The following NCKAP1 variants were observed in gnomAD, a reference collection of about 807,000 sequenced individuals.
NCKAP1 encodes nck-associated protein 1.
NCKAP1 carries 21 observed loss-of-function variants against 151.2 expected under a neutral mutation model. The ratio of observed to expected loss-of-function variants is 0.14; its 90% CI spans 0.10 to 0.20. The LOEUF is 0.20. NCKAP1 is among the 10% of genes least tolerant of loss of function. The pLI, the probability that NCKAP1 is intolerant of heterozygous loss-of-function variation, is 1.00. For missense variants in NCKAP1, 933 were observed against 1,352.1 expected, an observed-to-expected ratio of 0.69 and a Z score of 4.86; for synonymous variants, 484 against 451.8, an observed-to-expected ratio of 1.07 and a Z score of -0.90.
Position 183,003,247 on chromosome 2 carries a change from C to T in NCKAP1, c.298G>A (p.Val100Ile). The change falls in exon 3 of 31, where the codon GTT (valine) becomes ATT (isoleucine). Residue 100 changes from valine (V) to isoleucine (I), a missense_variant. Val to Ile is a conservative substitution (Grantham distance 29). Around this residue, in one of 2 missense-constraint regions of NCKAP1, gnomAD observed 607 missense variants for 795.0 expected, o/e 0.76. Transcript: ENST00000361354. ...LALYYFTFVD[V>I]MEFKDHVCEL... ...AAAATACATACCTTAAATTCCATAA[C>T]ATCTACAAATGTGAAGTAATATAAT... 6.5e-7 allele frequency: 1 copy of T among 1,535,542 alleles called. No individual in the cohort carries two copies. Among genetic ancestry groups the T allele is most frequent in the Non-Finnish European group, 8.9e-7 (1 of 1,120,776 alleles).
chr2:182,964,576 G>A, intron 17 of NCKAP1, 100 bp downstream of exon 17: 9 of 1,001,292 alleles, frequency 9.0e-6, no homozygotes, highest in South Asian at 2.8e-5. Context: ...TCGATGGGAA[G>A]CTAAGTTAGC....
At chr2:182,941,249 G>A (rs1405020797) in intron 24 of NCKAP1, among the ~76,000 whole-genome samples, 1 of 151,534 alleles carries the variant, frequency 6.6e-6, no homozygotes, top group East Asian at 1.9e-4. Flanking sequence ...AATAACATTA[G>A]ATCAAGTATA....
intron 1 of NCKAP1, among the ~76,000 whole-genome samples, chr2:183,034,500 T>C (rs1008535786): frequency 2.6e-5 from 4 of 151,482 alleles, no homozygotes; most frequent in African/African-American, 7.3e-5. Context: ...ATGTTGGTAA[T>C]GGTGGAGGAA....
intron 10 of NCKAP1, among the ~76,000 whole-genome samples, chr2:182,984,853 T>C (rs1698018433): frequency 6.6e-6 from 1 of 152,190 alleles, no homozygotes; most frequent in South Asian, 2.1e-4. Flanking sequence ...CACATGGTAA[T>C]GAGTCCTAGA....
At position 182,913,445 on chromosome 2, in the gene NCKAP1, G is replaced by GT. The variant is rs1210555064; in HGVS notation, c.*12256dup. The GT allele has an allele frequency of 6.6e-6, 1 of 152,238 alleles. No individual in the cohort carries two copies. The highest frequency in any genetic ancestry group is 1.5e-5 in the Non-Finnish European group (1 of 68,062). The allele number at this position is 152,238 out of a possible 1,614,324, so 9.4% of individuals were successfully genotyped here. ...AGGGAGTGGGTTAGTTACCACAAAAGTGAGTCTGTTATAAAAGTCAGTTTG... is the reference window on the plus strand; with the variant it reads ...AGGGAGTGGGTTAGTTACCACAAAAGTTGAGTCTGTTATAAAAGTCAGTTTG... On this transcript the variant is annotated 3_prime_UTR_variant, in exon 31 of 31. Transcript: ENST00000361354.
At chr2:182,956,224 T>C (rs1242401571) in intron 20 of NCKAP1, among the ~76,000 whole-genome samples, 2 of 152,106 alleles carry the variant, frequency 1.3e-5, no homozygotes, top group Admixed American at 1.3e-4. Context: ...GTATTTTTAG[T>C]AGAGACGGGG....
intron 8 of NCKAP1, 43 bp downstream of exon 8, chr2:182,994,796 T>TA: frequency 3.3e-6 from 5 of 1,510,466 alleles, no homozygotes; most frequent in Non-Finnish European, 4.6e-6. Context: ...CTCTAAAACA[T>TA]AAAGCCTGGG....
chr2:182,994,216 T>C (rs895277154), intron 8 of NCKAP1, among the ~76,000 whole-genome samples: 21 of 152,132 alleles, frequency 1.4e-4, no homozygotes, highest in Admixed American at 6.5e-5. Context: ...AAACCAAAAT[T>C]TAGTTTTGAA....
intron 27 of NCKAP1, among the ~76,000 whole-genome samples, chr2:182,930,114 G>T (rs1026529666): frequency 6.6e-6 from 1 of 151,840 alleles, no homozygotes; most frequent in Non-Finnish European, 1.5e-5. Flanking sequence ...CCTCCAGCTG[G>T]TGAGATTTTA....
rs1306075103 is a variant in NCKAP1, at chr2:182,953,382, T to C, written c.2154-51A>G. On this transcript the variant is annotated intron_variant, in intron 20 of 30. Transcript: ENST00000361354. ...GAAAAGCCTCTGACTTTTCCATTCA[T>C]GTAAAATAAACCACTCAACCTACTG... 5.9e-6 allele frequency: 8 copies of C among 1,352,480 alleles called. No homozygotes were observed. The Admixed American group carries it at 1.1e-4, about 18-fold the overall frequency. 83.8% of individuals were successfully genotyped at this position (1,352,480 alleles called of 1,614,324 possible).
intron 2 of NCKAP1, among the ~76,000 whole-genome samples, chr2:183,019,360 T>C (rs1267510273): frequency 6.6e-6 from 1 of 152,050 alleles, no homozygotes; most frequent in East Asian, 1.9e-4. Context: ...AAAAAAAAGT[T>C]TAAAAAATAT....
intron 15 of NCKAP1, among the ~76,000 whole-genome samples, chr2:182,967,760 G>C (rs1697602697): frequency 6.6e-6 from 1 of 152,086 alleles, no homozygotes; most frequent in Admixed American, 6.6e-5. Context: ...GATTCAATGA[G>C]GTTTTAGAGT....
At chr2:183,011,769 C>A (rs1413421675) in intron 2 of NCKAP1, among the ~76,000 whole-genome samples, 2 of 152,104 alleles carry the variant, frequency 1.3e-5, no homozygotes, top group East Asian at 3.9e-4. Context: ...TCGGATAAGT[C>A]CCAGAAGTGG....
chr2:182,972,224 C>CAAAAAAA (rs56834438), intron 15 of NCKAP1, among the ~76,000 whole-genome samples: 174 of 67,550 alleles, frequency 2.6e-3, no homozygotes, highest in Admixed American at 3.4e-3. Flanking sequence ...AGCTTAATAG[C>CAAAAAAA]AAAAAAAAAA....
chr2:182,963,651 A>G (rs1209403008), intron 17 of NCKAP1, among the ~76,000 whole-genome samples: 2 of 152,158 alleles, frequency 1.3e-5, no homozygotes, highest in Non-Finnish European at 2.9e-5. Flanking sequence ...TGGAAAGTAG[A>G]GGATGGATTC....
intron 15 of NCKAP1, among the ~76,000 whole-genome samples, chr2:182,972,224 C>CAAAAAAAAAAAAAAA (rs56834438): frequency 2.4e-4 from 16 of 67,696 alleles, no homozygotes; most frequent in Middle Eastern, 0.012. Context: ...AGCTTAATAG[C>CAAAAAAAAAAAAAAA]AAAAAAAAAA....
chr2:182,992,139 G>A (rs1422434246), intron 8 of NCKAP1, among the ~76,000 whole-genome samples: 1 of 152,142 alleles, frequency 6.6e-6, no homozygotes, highest in Non-Finnish European at 1.5e-5. Flanking sequence ...TGCTGGTCTA[G>A]GAACCACACT....
chr2:183,027,328 C>CA, intron 1 of NCKAP1, among the ~76,000 whole-genome samples: 1 of 152,196 alleles, frequency 6.6e-6, no homozygotes, highest in Non-Finnish European at 1.5e-5. Context: ...CAAGAGCTCC[C>CA]AAAAAATGCC....
intron 15 of NCKAP1, among the ~76,000 whole-genome samples, chr2:182,974,814 G>C (rs1697772397): frequency 6.6e-6 from 1 of 151,672 alleles, no homozygotes; most frequent in African/African-American, 2.4e-5. Flanking sequence ...AGTAGGTATA[G>C]ATTACATGAA....
Sources: gnomAD v4.1 joint callset for allele counts (sites outside exome capture counted in the v4.1 genomes callset) on GRCh38, gnomAD v4.1.1 for gene constraint, gnomAD v4.1.1 regional missense constraint, MANE v1.5 for transcripts, NCBI Gene and HGNC (gene_info 2026-07-23, HGNC 2026-07-21) for gene names.